Variants in MGST2 observed in about 807,000 individuals in gnomAD.
The protein encoded by MGST2 is microsomal glutathione S-transferase 2.
Under a neutral mutation model 16.6 loss-of-function variants are expected in MGST2, and 9 were observed. That is an observed-to-expected ratio of 0.54 (90% CI 0.33 to 0.95). The LOEUF is 0.95. Ranked by LOEUF, MGST2 falls within the 40% of genes least tolerant of loss-of-function variation. The pLI is 0.03. For synonymous variants in MGST2, 79 were observed against 68.0 expected, an observed-to-expected ratio of 1.16 and a Z score of -0.79; for missense variants, 159 against 175.1, an observed-to-expected ratio of 0.91 and a Z score of 0.52.
downstream of MGST2, among the ~76,000 whole-genome samples, chr4:139,708,871 A>T (rs1727622206): frequency 6.6e-6 from 1 of 151,758 alleles, no homozygotes; most frequent in African/African-American, 2.4e-5. Context: ...GCATGGTGGC[A>T]CACACCTGTA....
At chr4:139,720,163 G>C (rs202067060) in intron 5 of MGST2, 89 of 1,613,890 alleles carry the variant, frequency 5.5e-5, no homozygotes, top group Non-Finnish European at 6.9e-5. Flanking sequence ...TGCTATAAGG[G>C]GCCAGTCCCA....
At chr4:139,718,257 A>C (rs1728074664) in intron 5 of MGST2, 1 of 152,258 alleles carries the variant, frequency 6.6e-6, no homozygotes, top group East Asian at 1.9e-4. Flanking sequence ...TACACGTTAG[A>C]GAAAGAAGAC....
At chr4:139,669,102 C>T (rs1021102172) in intron 1 of MGST2, among the ~76,000 whole-genome samples, 10 of 151,986 alleles carry the variant, frequency 6.6e-5, no homozygotes, top group African/African-American at 2.2e-4. Context: ...TTCCAAAGGG[C>T]GGAGGATATA....
chr4:139,752,733 C>T, the MGST2 span, among the ~76,000 whole-genome samples: 9 of 151,988 alleles, frequency 5.9e-5, no homozygotes, highest in Non-Finnish European at 5.9e-5. Context: ...AATCGAAGAT[C>T]GCAGCACTAA....
chr4:139,673,819 C>T (rs1306969536), intron 1 of MGST2, among the ~76,000 whole-genome samples: 1 of 152,136 alleles, frequency 6.6e-6, no homozygotes, highest in South Asian at 2.1e-4. Flanking sequence ...TTCTGGATTA[C>T]AGGAGTGAGC....
At chr4:139,749,526 G>A in the MGST2 span, among the ~76,000 whole-genome samples, 1 of 152,150 alleles carries the variant, frequency 6.6e-6, no homozygotes, top group Non-Finnish European at 1.5e-5. Context: ...ATTTCCTTTG[G>A]CTTATGAGCT....
chr4:139,720,284 G>A, intron 5 of MGST2: 2 of 1,564,338 alleles, frequency 1.3e-6, no homozygotes, highest in Non-Finnish European at 1.7e-6. Context: ...GCTCTGGAGG[G>A]CTGCTTGGCT....
chr4:139,690,001 A>G (rs28414528), intron 2 of MGST2, among the ~76,000 whole-genome samples: 1 of 151,878 alleles, frequency 6.6e-6, no homozygotes, highest in Non-Finnish European at 1.5e-5. Context: ...ATTAAAAAAA[A>G]TTTTTTTTGA....
downstream of MGST2, among the ~76,000 whole-genome samples, chr4:139,707,012 C>G (rs796706074): frequency 5.3e-5 from 8 of 152,120 alleles, no homozygotes; most frequent in African/African-American, 1.7e-4. Context: ...TAGAGAAGAA[C>G]TTTTCTGCAT....
chr4:139,678,876 G>T (rs534571506), intron 2 of MGST2: 3 of 576,756 alleles, frequency 5.2e-6, no homozygotes, highest in South Asian at 2.0e-5. Context: ...TACAGAAAAG[G>T]CTGGGATCTC....
At chr4:139,709,264 T>C (rs1434541387) in intron 5 of MGST2, among the ~76,000 whole-genome samples, 2 of 151,938 alleles carry the variant, frequency 1.3e-5, no homozygotes, top group East Asian at 3.9e-4. Flanking sequence ...TTGTATTTTT[T>C]AGTAGAGACT....
chr4:139,721,358 T>G lies in MGST2; in HGVS notation c.*48+17162T>G, dbSNP rs906528804. Among the ~76,000 whole-genome samples, 3 of 152,116 alleles carry G rather than the reference T, an allele frequency of 2.0e-5. No homozygotes were observed. The South Asian group carries it at 6.2e-4, about 32-fold the overall frequency. On this transcript the variant is annotated intron_variant, in intron 5 of 5. Coordinates refer to the MGST2 transcript ENST00000616265. ...GGTCTAGGAGGTACACAAAAACGGA[T>G]TTTTCTATGTCCCTGCTAATGATTG...
chr4:139,728,457 C>T (rs762930628), intron 5 of MGST2, among the ~76,000 whole-genome samples: 6 of 152,222 alleles, frequency 3.9e-5, no homozygotes, highest in Non-Finnish European at 8.8e-5. Flanking sequence ...TTATGTGATC[C>T]TTAAAGCAGC....
chr4:139,744,665 G>A (rs930491937), downstream of MGST2, among the ~76,000 whole-genome samples: 1 of 152,176 alleles, frequency 6.6e-6, no homozygotes, highest in African/African-American at 2.4e-5. Context: ...ACAATGGCAG[G>A]GGCTATGGTG....
chr4:139,703,998 C>T lies in MGST2; in HGVS notation c.312-18C>T. The T allele has an allele frequency of 6.2e-7, 1 of 1,614,070 alleles. No individual in the cohort carries two copies. Among genetic ancestry groups the T allele is most frequent in the South Asian group, 1.1e-5 (1 of 91,078 alleles). On this transcript the variant is annotated intron_variant, in intron 4 of 4. Coordinates refer to ENST00000265498, the MANE Select transcript of MGST2 (RefSeq NM_002413.5). The stretch of plus-strand genomic sequence containing the variant: ...ACAGTCCAGTTTGTCACTTTTCTCC[C>T]TCATGTCCACTCTGCAGGATCACCG...
downstream of MGST2, among the ~76,000 whole-genome samples, chr4:139,705,121 G>T (rs1364720381): frequency 6.6e-6 from 1 of 152,086 alleles, no homozygotes; most frequent in Non-Finnish European, 1.5e-5. Context: ...GGGCTCAAGC[G>T]AGCCTCCTGC....
At chr4:139,717,317 T>TTTA (rs1207738243) in intron 5 of MGST2, 2 of 152,656 alleles carry the variant, frequency 1.3e-5, no homozygotes, top group African/African-American at 2.4e-5. Context: ...TGCTTATATA[T>TTTA]TTATTTCCTG....
chr4:139,748,859 A>G, the MGST2 span, among the ~76,000 whole-genome samples: 1 of 152,194 alleles, frequency 6.6e-6, no homozygotes, highest in African/African-American at 2.4e-5. Context: ...AAGGCCTGCA[A>G]ACTCAACCCG....
Position 139,735,455 on chromosome 4 carries a change from G to A in MGST2, c.*49-4757G>A, listed in dbSNP as rs1330117591. 2.0e-5 allele frequency among the ~76,000 whole-genome samples: 3 copies of A among 150,658 alleles called. No individual in the cohort carries two copies. The highest frequency in any genetic ancestry group is 4.4e-5 in the Non-Finnish European group (3 of 67,644). On this transcript the variant is annotated intron_variant, in intron 5 of 5. Coordinates refer to the MGST2 transcript ENST00000616265. This position sits in a 1 kb window ranked among gnomAD's most constrained non-coding sequence, Gnocchi z 5.8. ...GAAGGGCTGGGAGTGGGGTAGGGGG[G>A]CAGTGGCGACCTCCGGGGGGGGAGG...
Sources: allele counts gnomAD v4.1 joint callset (sites outside exome capture counted in the v4.1 genomes callset), GRCh38; gene constraint gnomAD v4.1.1; non-coding constraint Gnocchi (gnomAD v3.1); transcripts MANE v1.5; gene names NCBI Gene and HGNC (gene_info 2026-07-23, HGNC 2026-07-21).